GAP43: variants seen among roughly 807,000 people sequenced by gnomAD.
GAP43 encodes the protein neuromodulin.
A neutral mutation model predicts 18.6 loss-of-function variants in GAP43; 6 were observed. The observed-to-expected ratio is 0.32, with a 90% CI of 0.18 to 0.64. The LOEUF (loss-of-function observed/expected upper bound fraction) is 0.64. Among genes scored for constraint, GAP43 ranks in the 30% least tolerant of loss-of-function variants. The pLI, the probability that GAP43 is intolerant of heterozygous loss-of-function variation, is 0.78. For missense variants in GAP43, 292 were observed against 295.5 expected, an observed-to-expected ratio of 0.99 and a Z score of 0.09; for synonymous variants, 115 against 111.4, an observed-to-expected ratio of 1.03 and a Z score of -0.20.
At chr3:115,630,421 G>A (rs1333245651) in intron 1 of GAP43, among the ~76,000 whole-genome samples, 1 of 152,182 alleles carries the variant, frequency 6.6e-6, no homozygotes, top group African/African-American at 2.4e-5. Context: ...GTTAGTACCA[G>A]ATGAATTGGA....
chr3:115,690,105 T>G (rs1325001741), intron 2 of GAP43, among the ~76,000 whole-genome samples: 1 of 152,222 alleles, frequency 6.6e-6, no homozygotes, highest in African/African-American at 2.4e-5. Context: ...GCACTAGCGC[T>G]CTCTGTTCTT....
intron 2 of GAP43, among the ~76,000 whole-genome samples, chr3:115,720,443 A>G (rs113857811): frequency 6.6e-6 from 1 of 152,190 alleles, no homozygotes; most frequent in African/African-American, 2.4e-5. Context: ...CACTAATAGA[A>G]CAGCAATACA....
intron 1 of GAP43, among the ~76,000 whole-genome samples, chr3:115,670,037 G>T: frequency 8.6e-6 from 1 of 116,604 alleles, no homozygotes. Context: ...GGGTACATGT[G>T]CACATTGTGC....
At chr3:115,696,565 G>A (rs1709191693) in intron 2 of GAP43, among the ~76,000 whole-genome samples, 1 of 117,904 alleles carries the variant, frequency 8.5e-6, no homozygotes, top group Non-Finnish European at 1.6e-5. Flanking sequence ...TGATTTCCTT[G>A]CTGCCCCCCA....
At chr3:115,631,128 C>A (rs1230217244) in intron 1 of GAP43, among the ~76,000 whole-genome samples, 9 of 152,322 alleles carry the variant, frequency 5.9e-5, no homozygotes, top group African/African-American at 2.2e-4. Context: ...GACACACTTG[C>A]AGTCATTTCA....
chr3:115,630,636 G>A (rs1708249149), intron 1 of GAP43, among the ~76,000 whole-genome samples: 1 of 152,176 alleles, frequency 6.6e-6, no homozygotes, highest in African/African-American at 2.4e-5. Context: ...TCTTCAACTG[G>A]TAAGGTTCAG....
intron 1 of GAP43, among the ~76,000 whole-genome samples, chr3:115,669,181 G>T (rs1422734333): frequency 6.6e-6 from 1 of 151,994 alleles, no homozygotes; most frequent in Non-Finnish European, 1.5e-5. Flanking sequence ...TTATTTTCAA[G>T]TGCTTGTTTA....
At chr3:115,657,470 G>C (rs984183033) in intron 1 of GAP43, among the ~76,000 whole-genome samples, 1 of 151,612 alleles carries the variant, frequency 6.6e-6, no homozygotes, top group Non-Finnish European at 1.5e-5. Flanking sequence ...AATTTCTTTC[G>C]CAAATATTTT....
At chr3:115,691,106 C>T (rs1709106182) in intron 2 of GAP43, among the ~76,000 whole-genome samples, 1 of 152,166 alleles carries the variant, frequency 6.6e-6, no homozygotes, top group African/African-American at 2.4e-5. Context: ...GATAATCTGT[C>T]ATCTTCCTAC....
At chr3:115,656,108 A>G (rs982872296) in intron 1 of GAP43, among the ~76,000 whole-genome samples, 3 of 152,206 alleles carry the variant, frequency 2.0e-5, no homozygotes, top group Non-Finnish European at 4.4e-5. Context: ...CTGGGGCTCT[A>G]CTGACTCACT....
chr3:115,698,594 G>A (rs1447011568), intron 2 of GAP43, among the ~76,000 whole-genome samples: 8 of 151,596 alleles, frequency 5.3e-5, no homozygotes, highest in Admixed American at 3.3e-4. Context: ...GTGGAACTTG[G>A]AAAGTGGAGT....
intron 1 of GAP43, chr3:115,663,449 G>T (rs9835043): frequency 0.033 from 30,181 of 910,932 alleles, 876 homozygotes; most frequent in Middle Eastern, 0.11. Context: ...TTCCTGACCT[G>T]ATGCCCTCTC....
chr3:115,692,685 T>C (rs994590684), intron 2 of GAP43, among the ~76,000 whole-genome samples: 1 of 152,170 alleles, frequency 6.6e-6, no homozygotes, highest in Non-Finnish European at 1.5e-5. Context: ...GACCTTGAAG[T>C]GGTCGGAAGT....
chr3:115,704,913 T>A (rs1213917087), intron 2 of GAP43, among the ~76,000 whole-genome samples: 1 of 152,172 alleles, frequency 6.6e-6, no homozygotes, highest in Non-Finnish European at 1.5e-5. Flanking sequence ...TGTAATTTCA[T>A]GAACAACTAC....
chr3:115,692,354 C>T (rs895612424), intron 2 of GAP43, among the ~76,000 whole-genome samples: 12 of 152,220 alleles, frequency 7.9e-5, no homozygotes, highest in Admixed American at 2.0e-4. Flanking sequence ...CTTATTAATA[C>T]GTATAATTTC....
intron 1 of GAP43, chr3:115,664,040 C>A: frequency 4.4e-6 from 4 of 900,626 alleles, no homozygotes; most frequent in African/African-American, 1.7e-5. Flanking sequence ...TCTACTTAGT[C>A]TTTTCATCTG....
At position 115,676,015 on chromosome 3, in the gene GAP43, T is replaced by G. The variant is rs1377069928; in HGVS notation, c.33T>G (p.Val11=). The G allele has an allele frequency of 2.5e-6, 4 of 1,594,476 alleles. No homozygotes were observed. In the East Asian group the frequency reaches 9.0e-5, roughly 36 times the overall value. The change falls in exon 2 of 3, where the codon GTT becomes GTG. Residue 11 remains valine (V), a splice_region_variant and synonymous_variant. Coordinates refer to ENST00000305124, the MANE Select transcript of GAP43 (RefSeq NM_002045.4). Reference sequence around the variant, plus strand: ...TTTCCCTTCTTTTCTCGACAAAGGTTGAAAAAAATGATGACGACCAAAAGA... The same window carrying G: ...TTTCCCTTCTTTTCTCGACAAAGGTGGAAAAAAATGATGACGACCAAAAGA... MLCCMRRTKQ[V]EKNDDDQKIE... is the part of the protein sequence containing the mutation.
chr3:115,678,224 A>G (rs937988490), intron 2 of GAP43, among the ~76,000 whole-genome samples: 2 of 152,228 alleles, frequency 1.3e-5, no homozygotes, highest in African/African-American at 2.4e-5. Context: ...ATCACTTTGC[A>G]TATCCACAAG....
chr3:115,663,945 A>C (rs1319909950), intron 1 of GAP43: 11 of 1,548,722 alleles, frequency 7.1e-6, no homozygotes, highest in Non-Finnish European at 9.6e-6. Flanking sequence ...TAACCTATAC[A>C]AGTATTTTAG....
Sources: gnomAD v4.1 joint callset for allele counts (sites outside exome capture counted in the v4.1 genomes callset) on GRCh38, gnomAD v4.1.1 for gene constraint, MANE v1.5 for transcripts, NCBI Gene and HGNC (gene_info 2026-07-23, HGNC 2026-07-21) for gene names.